The following ZCCHC14 variants were observed in gnomAD, a reference collection of about 807,000 sequenced individuals.
ZCCHC14 encodes zinc finger CCHC domain-containing protein 14.
In ZCCHC14, 16 loss-of-function variants were observed where a neutral mutation model predicts 85.0. That is an observed-to-expected ratio of 0.19 (90% CI 0.13 to 0.29). ZCCHC14 has a LOEUF of 0.29. Ranked by LOEUF, ZCCHC14 falls within the 10% of genes least tolerant of loss-of-function variation. ZCCHC14 has a pLI of 1.00. For missense variants in ZCCHC14, 1,303 were observed against 1,443.5 expected, an observed-to-expected ratio of 0.90 and a Z score of 1.58; for synonymous variants, 775 against 630.7, an observed-to-expected ratio of 1.23 and a Z score of -3.43.
intron 4 of ZCCHC14, among the ~76,000 whole-genome samples, chr16:87,422,649 T>A (rs1021498494): frequency 1.3e-5 from 2 of 151,148 alleles, no homozygotes; most frequent in Admixed American, 6.6e-5. Flanking sequence ...GGCAGGAGAA[T>A]TGCTTGAAGC....
chr16:87,449,783 G>A (rs896842737), intron 2 of ZCCHC14, among the ~76,000 whole-genome samples: 2 of 152,188 alleles, frequency 1.3e-5, no homozygotes, highest in South Asian at 2.1e-4. Flanking sequence ...GGGGGCTCAC[G>A]CTTGTGATCC....
chr16:87,423,126 G>C (rs1411848748), intron 4 of ZCCHC14, among the ~76,000 whole-genome samples: 1 of 152,250 alleles, frequency 6.6e-6, no homozygotes, highest in African/African-American at 2.4e-5. Flanking sequence ...CTTTGGCTGA[G>C]ACAGTCGTTC....
At chr16:87,430,568 CTG>C (rs1235587441) in intron 3 of ZCCHC14, among the ~76,000 whole-genome samples, 8 of 150,814 alleles carry the variant, frequency 5.3e-5, no homozygotes, top group Non-Finnish European at 5.9e-5. Flanking sequence ...GTTGCCCAGG[CTG>C]GAGTGCAGTG....
At position 87,417,450 on chromosome 16, in the gene ZCCHC14, A is replaced by AC. The variant is rs1908846719; in HGVS notation, c.1383+9dup. ...GCAATTCTGTACGGCCAGCCAGAAA[A>AC]CCGACATACCTTCTCCATGGAGAGC... On this transcript the variant is annotated intron_variant, in intron 8 of 12. Transcript: ENST00000671377. The AC allele has an allele frequency of 6.2e-7, 1 of 1,611,160 alleles. No individual in the cohort carries two copies. The highest frequency in any genetic ancestry group is 8.5e-7 in the Non-Finnish European group (1 of 1,177,648).
At chr16:87,455,984 T>C (rs1485797795) in intron 2 of ZCCHC14, among the ~76,000 whole-genome samples, 1 of 152,212 alleles carries the variant, frequency 6.6e-6, no homozygotes, top group Non-Finnish European at 1.5e-5. Context: ...TTGCAACTTG[T>C]GGTATTTTCA....
intron 1 of ZCCHC14, among the ~76,000 whole-genome samples, chr16:87,486,116 T>C (rs1912504092): frequency 6.6e-6 from 1 of 152,154 alleles, no homozygotes. Flanking sequence ...CTTCATTTAA[T>C]GTGAGGGCAA....
At chr16:87,428,924 AT>A (rs1909510770) in intron 3 of ZCCHC14, among the ~76,000 whole-genome samples, 1 of 152,250 alleles carries the variant, frequency 6.6e-6, no homozygotes, top group African/African-American at 2.4e-5. Context: ...CTGCGTGGAC[AT>A]AACACCAGGG....
In ZCCHC14 at chr16:87,448,495, A is replaced by G. The variant is rs375116798; in HGVS notation, c.694+11513T>C. ...CGTTTTCTTCCCGTGCGTACTGAAC[A>G]TGCTCCTTCCTTTCATCTTCTCTTC... is the stretch of plus-strand genomic sequence containing the variant. On this transcript the variant is annotated intron_variant, in intron 2 of 12. Coordinates refer to ENST00000671377, the MANE Select transcript of ZCCHC14 (RefSeq NM_015144.3). Among the ~76,000 whole-genome samples, 138 of 152,242 alleles carry G rather than the reference A, an allele frequency of 9.1e-4. No individual in the cohort carries two copies. The South Asian group carries it at 0.028, about 30-fold the overall frequency.
chr16:87,479,441 G>C (rs1033581930), intron 1 of ZCCHC14, among the ~76,000 whole-genome samples: 14 of 149,268 alleles, frequency 9.4e-5, no homozygotes, highest in African/African-American at 3.5e-4. Context: ...AGAAACCTAA[G>C]GATATAATTT....
At chr16:87,459,066 C>T (rs543247954) in intron 2 of ZCCHC14, among the ~76,000 whole-genome samples, 2 of 152,218 alleles carry the variant, frequency 1.3e-5, no homozygotes, top group Non-Finnish European at 2.9e-5. Flanking sequence ...GATCATAACA[C>T]GGCAGAGGCT....
At chr16:87,428,296 C>G (rs1567516991) in intron 3 of ZCCHC14, among the ~76,000 whole-genome samples, 1 of 152,170 alleles carries the variant, frequency 6.6e-6, no homozygotes, top group Non-Finnish European at 1.5e-5. Flanking sequence ...GGAGAAGTTA[C>G]TTATTTCTCC....
intron 1 of ZCCHC14, among the ~76,000 whole-genome samples, chr16:87,476,500 G>A (rs536307029): frequency 2.0e-5 from 3 of 152,160 alleles, no homozygotes; most frequent in African/African-American, 7.2e-5. Context: ...GCAAGACAGT[G>A]ACCAGCTTCT....
chr16:87,420,552 G>C lies in ZCCHC14; in HGVS notation c.950+55C>G. The C allele has an allele frequency of 2.8e-6, 4 of 1,453,182 alleles. No individual in the cohort carries two copies. Among genetic ancestry groups the C allele is most frequent in the Non-Finnish European group, 3.8e-6 (4 of 1,058,484 alleles). 90.0% of individuals were successfully genotyped at this position (1,453,182 alleles called of 1,614,324 possible). ...TGGAGGACCACAGCATTGACCACAG[G>C]ACCAGCCTGTCCTTGCCAGCTGTGG... On this transcript the variant is annotated intron_variant, in intron 5 of 12. Transcript: ENST00000671377. The surrounding 1 kb of genome is among the most constrained non-coding windows in gnomAD (Gnocchi z 5.0).
intron 2 of ZCCHC14, among the ~76,000 whole-genome samples, chr16:87,436,891 C>T (rs1909951577): frequency 6.6e-6 from 1 of 152,158 alleles, no homozygotes; most frequent in Admixed American, 6.5e-5. Flanking sequence ...CTTTTCCCCA[C>T]ATTTCTGTAA....
intron 1 of ZCCHC14, among the ~76,000 whole-genome samples, chr16:87,478,957 A>G (rs1912146008): frequency 6.6e-6 from 1 of 152,184 alleles, no homozygotes; most frequent in Admixed American, 6.5e-5. Context: ...TCAAGCTTCT[A>G]AATTTTATTA....
intron 2 of ZCCHC14, among the ~76,000 whole-genome samples, chr16:87,452,525 AC>A (rs1215361167): frequency 3.3e-5 from 5 of 152,090 alleles, no homozygotes; most frequent in Non-Finnish European, 5.9e-5. Context: ...CGCTATCGGG[AC>A]CACCAGCCTT....
chr16:87,424,994 C>T (rs1048855387), intron 3 of ZCCHC14, among the ~76,000 whole-genome samples: 4 of 152,146 alleles, frequency 2.6e-5, no homozygotes, highest in Non-Finnish European at 4.4e-5. Flanking sequence ...ACCACCTCTG[C>T]TCCCTCACCC....
Position 87,492,911 on chromosome 16 carries a change from G to GCGGCGGCGGCGA in ZCCHC14, c.-685_-674dup, listed in dbSNP as rs1197421583. ...GCGGACGGATCCGGGCCCGAGCGCG[G>GCGGCGGCGGCGA]CGGCGGCGGCGACGGCGACGGCGAC... On this transcript the variant is annotated 5_prime_UTR_variant, in exon 1 of 13. Coordinates refer to ENST00000671377, the MANE Select transcript of ZCCHC14 (RefSeq NM_015144.3). The surrounding 1 kb of genome is among the most constrained non-coding windows in gnomAD (Gnocchi z 6.7). Among the ~76,000 whole-genome samples, 19 of 142,066 alleles carry GCGGCGGCGGCGA rather than the reference G, an allele frequency of 1.3e-4. No homozygotes were observed. The highest frequency in any genetic ancestry group is 7.0e-3 in the Middle Eastern group (2 of 284). The allele number at this position is 142,066 out of a possible 152,430, so 93.2% of individuals were successfully genotyped here. A position where few individuals can be genotyped will look rare whatever the true frequency, so the allele number is the denominator to read the frequency against.
intron 10 of ZCCHC14, among the ~76,000 whole-genome samples, chr16:87,413,628 C>T: frequency 6.6e-6 from 1 of 152,096 alleles, no homozygotes; most frequent in East Asian, 1.9e-4. Flanking sequence ...TGAAGAAAAC[C>T]CGGCTCCTCT....
Sources: allele counts gnomAD v4.1 joint callset (sites outside exome capture counted in the v4.1 genomes callset), GRCh38; gene constraint gnomAD v4.1.1; non-coding constraint Gnocchi (gnomAD v3.1); transcripts MANE v1.5; gene names NCBI Gene and HGNC (gene_info 2026-07-23, HGNC 2026-07-21).